Variants in PER3 observed in about 807,000 individuals in gnomAD.
The protein encoded by PER3 is period circadian regulator 3.
In PER3, 107 loss-of-function variants were observed where a neutral mutation model predicts 127.2. The ratio of observed to expected loss-of-function variants is 0.84; its 90% CI spans 0.72 to 0.99. The LOEUF (loss-of-function observed/expected upper bound fraction) is 0.99. Ranked by LOEUF, PER3 falls within the 50% of genes least tolerant of loss-of-function variation. The pLI, the probability that PER3 is intolerant of heterozygous loss-of-function variation, is 0.00. For missense variants in PER3, 1,560 were observed against 1,525.8 expected (o/e 1.02, Z -0.37); for synonymous variants, 618 against 585.8 (o/e 1.05, Z -0.79).
chr1:7,833,803 C>T (rs191506173), intron 19 of PER3, among the ~76,000 whole-genome samples: 2,061 of 152,262 alleles, frequency 0.014, 23 homozygotes, highest in Non-Finnish European at 0.019. Context: ...CTGTTTGTCT[C>T]ATCTGCCCTT....
At position 7,829,876 on chromosome 1, in the gene PER3, A is replaced by G. The variant is rs538991638; in HGVS notation, c.2929A>G (p.Thr977Ala). Residue 977 changes from threonine to alanine, a missense_variant, in exon 19 of 22, where the codon ACT (threonine) becomes GCT (alanine). Physicochemically the swap from Thr to Ala is moderately conservative, Grantham distance 58. This residue lies in a region of PER3 where 29 missense variants were observed against 103.6 expected (regional missense o/e 0.28). Coordinates refer to ENST00000377532, the MANE Select transcript of PER3 (RefSeq NM_001377275.1). ...CAATGGCAGTGAGAGCAGTCCTGCT[A>G]CTACCGGTGCACTGTCCACGGGGTC... ...GNNGSESSPA[T>A]TGALSTGSPP... 18 of 1,614,040 alleles carry G rather than the reference A, an allele frequency of 1.1e-5. No homozygotes were observed. Among genetic ancestry groups the G allele is most frequent in the Non-Finnish European group, 1.4e-5 (17 of 1,179,972 alleles).
At chr1:7,807,095 C>A (rs887413122) in intron 10 of PER3, among the ~76,000 whole-genome samples, 3 of 152,038 alleles carry the variant, frequency 2.0e-5, no homozygotes, top group African/African-American at 7.2e-5. Context: ...AGACACTGTT[C>A]TAGGTACTGA....
intron 5 of PER3, among the ~76,000 whole-genome samples, chr1:7,791,915 A>T (rs1346235871): frequency 6.6e-6 from 1 of 152,152 alleles, no homozygotes; most frequent in Non-Finnish European, 1.5e-5. Flanking sequence ...TTTTGGTCAA[A>T]GCCATTCAAC....
chr1:7,791,228 C>T (rs535653181), intron 5 of PER3, among the ~76,000 whole-genome samples: 1 of 152,372 alleles, frequency 6.6e-6, no homozygotes, highest in East Asian at 1.9e-4. Context: ...GACATCCAGG[C>T]ATTTCCGTAC....
intron 19 of PER3, among the ~76,000 whole-genome samples, chr1:7,832,277 C>G (rs1191527026): frequency 6.6e-6 from 1 of 150,624 alleles, no homozygotes; most frequent in African/African-American, 2.4e-5. Context: ...GTATGTTTAT[C>G]AATTTTAATA....
At chr1:7,797,330 G>T (rs1466176964) in intron 6 of PER3, among the ~76,000 whole-genome samples, 1 of 152,038 alleles carries the variant, frequency 6.6e-6, no homozygotes, top group African/African-American at 2.4e-5. Flanking sequence ...GTAGTGTGTG[G>T]TAGAAGAGAA....
chr1:7,822,924 T>C (rs915404207), intron 16 of PER3, among the ~76,000 whole-genome samples: 4 of 152,052 alleles, frequency 2.6e-5, no homozygotes, highest in African/African-American at 9.7e-5. Context: ...CCAAGTGTGG[T>C]GACCCACACC....
chr1:7,798,581 A>G lies in PER3; in HGVS notation c.701A>G (p.Tyr234Cys), dbSNP rs772037627. 1.3e-5 allele frequency: 21 copies of G among 1,612,858 alleles called. No homozygotes were observed. The highest frequency in any genetic ancestry group is 2.2e-5 in the East Asian group (1 of 44,880). ...KCHSPFRIIP[Y>C]LIHVHHPAQP... ...CACTCCCCATTCCGGATCATCCCCTATCTGATTCATGTACATCACCCTGCC... is the reference window on the plus strand; with the variant it reads ...CACTCCCCATTCCGGATCATCCCCTGTCTGATTCATGTACATCACCCTGCC... Residue 234 changes from tyrosine to cysteine, a missense_variant, in exon 7 of 22, where the codon TAT (tyrosine) becomes TGT (cysteine). Tyr to Cys is a radical substitution (Grantham distance 194, BLOSUM62 -2). Transcript: ENST00000377532.
At chr1:7,841,560 A>G (rs2097389066) in intron 21 of PER3, among the ~76,000 whole-genome samples, 1 of 152,160 alleles carries the variant, frequency 6.6e-6, no homozygotes, top group African/African-American at 2.4e-5. Flanking sequence ...AGCATTTCCT[A>G]GAAAGTTGCA....
Position 7,785,450 on chromosome 1 carries a change from A to C in PER3, c.138A>C (p.Gln46His). The C allele has an allele frequency of 1.2e-6, 2 of 1,612,418 alleles. No individual in the cohort carries two copies. Among genetic ancestry groups the C allele is most frequent in the South Asian group, 1.1e-5 (1 of 91,012 alleles). Residue 46 changes from glutamine to histidine, a missense_variant, in exon 3 of 22, where the codon CAA becomes CAC. Coordinates refer to ENST00000377532, the MANE Select transcript of PER3 (RefSeq NM_001377275.1). Reference protein sequence around the residue: ...KLADSSHSEQQDRNRVSEELI... With the variant: ...KLADSSHSEQHDRNRVSEELI... The stretch of plus-strand genomic sequence containing the variant: ...TTTTTTTATCTTCCAGTGAACAGCA[A>C]GATCGAAACAGAGTTTCTGAAGAAC...
At chr1:7,838,178 T>TA (rs1289449730) in intron 21 of PER3, among the ~76,000 whole-genome samples, 1 of 152,234 alleles carries the variant, frequency 6.6e-6, no homozygotes, top group African/African-American at 2.4e-5. Flanking sequence ...CCCCTCTTTT[T>TA]AAAAACTAAC....
In PER3 at chr1:7,827,687, G is replaced by C. The variant is rs762996380; in HGVS notation, c.2758G>C (p.Glu920Gln). Residue 920 changes from glutamate (E) to glutamine (Q), a missense_variant, in exon 18 of 22, where the codon GAG becomes CAG. Glu to Gln is a conservative substitution (Grantham distance 29). Around this residue, in one of 3 missense-constraint regions of PER3, gnomAD observed 1,332 missense variants for 1,223.6 expected, o/e 1.09. Coordinates refer to ENST00000377532, the MANE Select transcript of PER3 (RefSeq NM_001377275.1). Reference protein sequence around the residue: ...REEEKWEAQSEGHPFITSRSS... With the variant: ...REEEKWEAQSQGHPFITSRSS... ...GGAGGAAAAGTGGGAGGCACAAAGC[G>C]AGGGGCACCCGTTCATTACTTCGAG... The C allele has an allele frequency of 6.2e-7, 1 of 1,614,144 alleles. No individual in the cohort carries two copies. The highest frequency in any genetic ancestry group is 2.2e-5 in the East Asian group (1 of 44,880).
intron 10 of PER3, among the ~76,000 whole-genome samples, chr1:7,804,495 G>C (rs528333377): frequency 4.0e-5 from 6 of 150,440 alleles, no homozygotes; most frequent in African/African-American, 7.3e-5. Flanking sequence ...AACCTCCCCT[G>C]GCTCAGGTGA....
rs762311870 is a variant in PER3 at position 7,784,961 on chromosome 1, C to T, written c.84C>T (p.Ser28=). 2 of 1,549,458 alleles carry T rather than the reference C, an allele frequency of 1.3e-6. No individual in the cohort carries two copies. Among genetic ancestry groups the T allele is most frequent in the African/African-American group, 1.4e-5 (1 of 69,638 alleles). Residue 28 remains serine, a synonymous_variant, in exon 2 of 22, where the codon AGC becomes AGT. Coordinates refer to ENST00000377532, the MANE Select transcript of PER3 (RefSeq NM_001377275.1). ...GCGAAGAATCGGGGGAGCGGTGGAGCCCCGAGTTCCATCTGCAGAGGAAAT... is the reference window on the plus strand; with the variant it reads ...GCGAAGAATCGGGGGAGCGGTGGAGTCCCGAGTTCCATCTGCAGAGGAAAT... ...ALGEESGERW[S]PEFHLQRKLA... is the part of the protein sequence containing the mutation.
chr1:7,805,496 T>C (rs946165638), intron 10 of PER3, among the ~76,000 whole-genome samples: 1 of 152,172 alleles, frequency 6.6e-6, no homozygotes, highest in Non-Finnish European at 1.5e-5. Flanking sequence ...TAGAACTTAA[T>C]GGAAGAAATG....
At position 7,820,121 on chromosome 1, in the gene PER3, G is replaced by C; in HGVS notation, c.1665G>C (p.Leu555=). The change falls in exon 15 of 22, where the codon CTG becomes CTC. Residue 555 remains leucine (L), a synonymous_variant. Transcript: ENST00000377532. ...INCIDSVIRY[L]KSYNIPALKR... ...CCTAATTATGTTGTTACAGATACCT[G>C]AAGAGCTACAACATTCCAGCTTTGA... 6 of 1,613,514 alleles carry C rather than the reference G, an allele frequency of 3.7e-6. No homozygotes were observed. Among genetic ancestry groups the C allele is most frequent in the Non-Finnish European group, 5.1e-6 (6 of 1,179,682 alleles).
At chr1:7,841,846 A>T (rs1288108956) in intron 21 of PER3, among the ~76,000 whole-genome samples, 25 of 152,130 alleles carry the variant, frequency 1.6e-4, no homozygotes, top group Admixed American at 1.6e-3. Flanking sequence ...TATATGAAAA[A>T]TGAGCCCCAC....
chr1:7,791,109 C>T (rs2150502278), intron 5 of PER3, among the ~76,000 whole-genome samples: 1 of 152,368 alleles, frequency 6.6e-6, no homozygotes, highest in East Asian at 1.9e-4. Context: ...CTCCACTAGG[C>T]AGTGCCCCAG....
intron 19 of PER3, among the ~76,000 whole-genome samples, chr1:7,835,210 G>A (rs1198826742): frequency 6.6e-6 from 1 of 152,188 alleles, no homozygotes; most frequent in African/African-American, 2.4e-5. Context: ...TGAGGTTGGT[G>A]ATGATGCGTT....
Sources: allele counts gnomAD v4.1 joint callset (sites outside exome capture counted in the v4.1 genomes callset), GRCh38; gene constraint gnomAD v4.1.1; regional missense constraint gnomAD v4.1.1; transcripts MANE v1.5; gene names NCBI Gene and HGNC (gene_info 2026-07-23, HGNC 2026-07-21).